The following STARD8 variants were observed in gnomAD, a reference collection of about 807,000 sequenced individuals.
STARD8 encodes the protein StAR related lipid transfer domain containing 8, also known as stAR-related lipid transfer protein 8.
A neutral mutation model predicts 69.4 loss-of-function variants in STARD8; 25 were observed. That is an observed-to-expected ratio of 0.36 (90% CI 0.26 to 0.50). The LOEUF is 0.50. Among genes scored for constraint, STARD8 ranks in the 20% least tolerant of loss-of-function variants. STARD8 has a pLI of 0.96. For synonymous variants in STARD8, 389 were observed against 374.6 expected, an observed-to-expected ratio of 1.04 and a Z score of -0.45; for missense variants, 921 against 932.5, an observed-to-expected ratio of 0.99 and a Z score of 0.16.
chrX:68,675,742 C>T (rs1305278828), intron 2 of STARD8, among the ~76,000 whole-genome samples: 2 of 111,491 alleles, frequency 1.8e-5, no homozygotes, highest in African/African-American at 6.5e-5. Context: ...CAGAGGGGAA[C>T]TTGGGGTGGA....
rs1378450788 is a variant in STARD8 at position 68,724,121 on chromosome X, G to C, written c.3194G>C (p.Arg1065Thr). 1 of 1,207,523 alleles carries C rather than the reference G, an allele frequency of 8.3e-7. No homozygotes were observed. Among genetic ancestry groups the C allele is most frequent in the Non-Finnish European group, 1.1e-6 (1 of 893,872 alleles). Reference protein sequence around the residue: ...RLTHICRADLRGRSPDWYNKV... With the variant: ...RLTHICRADLTGRSPDWYNKV... Reference sequence around the variant, plus strand: ...ACACACATCTGCCGGGCTGACCTCAGGTATCAGGCCTGGGACAGCCTGCTC... The same window carrying C: ...ACACACATCTGCCGGGCTGACCTCACGTATCAGGCCTGGGACAGCCTGCTC... The change falls in exon 14 of 15, where the codon AGG (arginine) becomes ACG (threonine). Residue 1065 changes from arginine (R) to threonine (T), a missense_variant and splice_region_variant. Coordinates refer to ENST00000374599, the MANE Select transcript of STARD8 (RefSeq NM_001142503.3).
chrX:68,725,326 C>A lies in STARD8; in HGVS notation c.*904C>A, dbSNP rs1025010585. ...GCCCCTTTCTCAAGCAGAGACCTGG[C>A]CCCTGGGCCAGCCAGATGGAAGGGC... On this transcript the variant is annotated 3_prime_UTR_variant, in exon 15 of 15. Transcript: ENST00000374599. The A allele has an allele frequency of 2.7e-5, 3 of 109,619 alleles. No individual in the cohort carries two copies. The highest frequency in any genetic ancestry group is 1.0e-4 in the African/African-American group (3 of 29,987). The allele number at this position is 109,619 out of a possible 1,213,427, so 9.0% of individuals were successfully genotyped here. A position where few individuals can be genotyped will look rare whatever the true frequency, so the allele number is the denominator to read the frequency against.
rs1358375098 is a variant in STARD8 at position 68,721,458 on chromosome X, C to T, written c.2249-78C>T. The T allele has an allele frequency of 2.6e-4, 288 of 1,088,716 alleles. 1 individual carries two copies. In the South Asian group the frequency reaches 5.9e-3, roughly 22 times the overall value. The allele number at this position is 1,088,716 out of a possible 1,213,427, so 89.7% of individuals were successfully genotyped here. A position where few individuals can be genotyped will look rare whatever the true frequency, so the allele number is the denominator to read the frequency against. Reference sequence around the variant, plus strand: ...CCCCTTGGGACTGCTGTGCCTTTTGCCCCCTTGGAAACAGGAGGCTGGCTG... The same window carrying T: ...CCCCTTGGGACTGCTGTGCCTTTTGTCCCCTTGGAAACAGGAGGCTGGCTG... On this transcript the variant is annotated intron_variant, in intron 9 of 14. Coordinates refer to ENST00000374599, the MANE Select transcript of STARD8 (RefSeq NM_001142503.3).
intron 1 of STARD8, among the ~76,000 whole-genome samples, chrX:68,653,408 CA>C (rs2079586033): frequency 1.3e-5 from 1 of 76,731 alleles, no homozygotes. Flanking sequence ...ACACACCACA[CA>C]CACCACACCA....
intron 2 of STARD8, among the ~76,000 whole-genome samples, chrX:68,696,477 C>A (rs1204672276): frequency 8.9e-6 from 1 of 112,131 alleles, no homozygotes; most frequent in Non-Finnish European, 1.9e-5. Flanking sequence ...CCCAGCCCTG[C>A]AGGTTGGTAA....
At chrX:68,652,819 A>ACACACCC (rs1476740562) in intron 1 of STARD8, among the ~76,000 whole-genome samples, 1 of 39,134 alleles carries the variant, frequency 2.6e-5, no homozygotes, top group Non-Finnish European at 4.8e-5. Context: ...CACACACCCC[A>ACACACCC]CACACCCCAC....
rs764241967 is a variant in STARD8, at chrX:68,707,736, C to T, written c.80-5178C>T. 2.5e-4 allele frequency among the ~76,000 whole-genome samples: 28 copies of T among 111,445 alleles called. No individual in the cohort carries two copies. In the South Asian group the frequency reaches 0.011, roughly 42 times the overall value. On this transcript the variant is annotated intron_variant, in intron 2 of 14. Transcript: ENST00000374599. ...ATCCATCCATTGCTTGTCTTGAGTCCTGTATCTTCCCGCCTGGTCCCCATG... is the reference window on the plus strand; with the variant it reads ...ATCCATCCATTGCTTGTCTTGAGTCTTGTATCTTCCCGCCTGGTCCCCATG...
intron 12 of STARD8, 51 bp downstream of exon 12, chrX:68,722,697 A>C: frequency 1.7e-6 from 2 of 1,143,369 alleles, no homozygotes; most frequent in East Asian, 6.1e-5. Context: ...AGCATGGTGC[A>C]GGCAAGGGTA....
chrX:68,715,524 C>A, intron 4 of STARD8, 149 bp downstream of exon 4: 1 of 496,426 alleles, frequency 2.0e-6, no homozygotes, highest in Non-Finnish European at 3.2e-6. Context: ...TCATTCTGTT[C>A]TTTGTGTTTG....
chrX:68,700,789 C>T (rs1755993745), intron 2 of STARD8, among the ~76,000 whole-genome samples: 1 of 111,929 alleles, frequency 8.9e-6, no homozygotes, highest in Admixed American at 9.4e-5. Flanking sequence ...AAGTAAAATA[C>T]GTCCTGAGCT....
At chrX:68,679,338 C>A (rs773848789) in intron 2 of STARD8, among the ~76,000 whole-genome samples, 7 of 111,458 alleles carry the variant, frequency 6.3e-5, no homozygotes, top group Non-Finnish European at 1.1e-4. Flanking sequence ...GTTCTCCCCT[C>A]CCCCAGCCTC....
At chrX:68,684,013 C>G (rs1288355902) in intron 2 of STARD8, among the ~76,000 whole-genome samples, 3 of 112,600 alleles carry the variant, frequency 2.7e-5, no homozygotes, top group Admixed American at 9.4e-5. Flanking sequence ...GATATATATA[C>G]TTCAGAGCAT....
chrX:68,669,844 C>T (rs910406854), intron 2 of STARD8, among the ~76,000 whole-genome samples: 1 of 112,245 alleles, frequency 8.9e-6, no homozygotes, highest in Non-Finnish European at 1.9e-5. Context: ...CTGTCACCTC[C>T]AAGGCTCACA....
Position 68,716,435 on chromosome X carries a change from A to G in STARD8, c.297+4A>G. ...GGTTCATTTTCAAAGCAAGCAGGTG[A>G]GTCATGGCAAAGCGTGGGTCTGTGG... On this transcript the variant is annotated splice_donor_region_variant and intron_variant, in intron 5 of 14. Coordinates refer to ENST00000374599, the MANE Select transcript of STARD8 (RefSeq NM_001142503.3). 1 of 1,210,239 alleles carries G rather than the reference A, an allele frequency of 8.3e-7. No individual in the cohort carries two copies. The highest frequency in any genetic ancestry group is 3.0e-5 in the East Asian group (1 of 33,778).
At chrX:68,690,649 A>G (rs973344702) in intron 2 of STARD8, among the ~76,000 whole-genome samples, 4 of 111,709 alleles carry the variant, frequency 3.6e-5, no homozygotes, top group African/African-American at 9.8e-5. Context: ...TATTGTCTCT[A>G]CTCTACCCAG....
At chrX:68,663,605 A>C in intron 1 of STARD8, among the ~76,000 whole-genome samples, 1 of 111,500 alleles carries the variant, frequency 9.0e-6, no homozygotes, top group East Asian at 2.8e-4. Context: ...TAATAGGACT[A>C]GAGCATAGAG....
At chrX:68,710,930 G>A (rs756596145) in intron 2 of STARD8, among the ~76,000 whole-genome samples, 3 of 112,389 alleles carry the variant, frequency 2.7e-5, no homozygotes, top group Non-Finnish European at 5.6e-5. Context: ...ACAGGAACAG[G>A]GACAGGGAAG....
rs777064284 is a variant in STARD8 at position 68,647,967 on chromosome X, G to A, written c.45+40G>A. ...AGCCCCAGCCCATCCCGCTGCTCAG[G>A]GGGGAAGGAGGCAGATGTGGACCAC... is the stretch of plus-strand genomic sequence containing the variant. On this transcript the variant is annotated intron_variant, in intron 1 of 14. Transcript: ENST00000374599. 9 of 1,178,413 alleles carry A rather than the reference G, an allele frequency of 7.6e-6. No individual in the cohort carries two copies. In the East Asian group the frequency reaches 1.6e-4, roughly 20 times the overall value.
At chrX:68,668,184 AC>A (rs2147882925) in intron 2 of STARD8, among the ~76,000 whole-genome samples, 1 of 74,600 alleles carries the variant, frequency 1.3e-5, no homozygotes, top group East Asian at 4.1e-4. Context: ...CTTCCTTCCT[AC>A]CTACCCTTCC....
Sources: gnomAD v4.1 joint callset for allele counts (sites outside exome capture counted in the v4.1 genomes callset) on GRCh38, gnomAD v4.1.1 for gene constraint, MANE v1.5 for transcripts, NCBI Gene and HGNC (gene_info 2026-07-23, HGNC 2026-07-21) for gene names.